The following EBF1 variants were observed in gnomAD, a reference collection of about 807,000 sequenced individuals.
EBF1 encodes the protein transcription factor COE1.
In EBF1, 10 loss-of-function variants were observed where a neutral mutation model predicts 68.4. The observed-to-expected ratio is 0.15, with a 90% confidence interval of 0.09 to 0.25. The LOEUF is 0.25. EBF1 is among the 10% of genes least tolerant of loss of function. The probability of loss-of-function intolerance (pLI) is 1.00; values close to 1 mark genes in which losing one functional copy is unlikely to be tolerated. For missense variants in EBF1, 509 were observed against 794.4 expected, an observed-to-expected ratio of 0.64 and a Z score of 4.32; for synonymous variants, 298 against 299.8, an observed-to-expected ratio of 0.99 and a Z score of 0.06.
At chr5:158,909,289 G>C (rs1202321361) in intron 6 of EBF1, among the ~76,000 whole-genome samples, 1 of 152,150 alleles carries the variant, frequency 6.6e-6, no homozygotes, top group Admixed American at 6.5e-5. Context: ...TGGTTTGTCT[G>C]TTTGGATTTT....
intron 6 of EBF1, among the ~76,000 whole-genome samples, chr5:159,042,224 G>T (rs1168552049): frequency 6.6e-6 from 1 of 152,122 alleles, no homozygotes; most frequent in African/African-American, 2.4e-5. Flanking sequence ...GCTCACAAAG[G>T]GATCTGGATC....
chr5:158,851,599 G>C (rs1792735760), intron 6 of EBF1, among the ~76,000 whole-genome samples: 1 of 69,054 alleles, frequency 1.4e-5, no homozygotes, highest in Non-Finnish European at 3.2e-5. Flanking sequence ...GGAAGGGGAG[G>C]GGAGAAGGGA....
At chr5:158,922,269 A>T (rs1808596862) in intron 6 of EBF1, among the ~76,000 whole-genome samples, 1 of 152,190 alleles carries the variant, frequency 6.6e-6, no homozygotes. Context: ...CCCCAAAAGC[A>T]ACTTTCTACC....
At chr5:158,774,660 T>A (rs763846780) in intron 10 of EBF1, among the ~76,000 whole-genome samples, 1 of 152,072 alleles carries the variant, frequency 6.6e-6, no homozygotes, top group Non-Finnish European at 1.5e-5. Flanking sequence ...GTTGTTTGGA[T>A]ACAAAGAACA....
intron 6 of EBF1, among the ~76,000 whole-genome samples, chr5:158,986,123 C>T (rs1251897787): frequency 2.6e-5 from 4 of 152,196 alleles, no homozygotes; most frequent in South Asian, 2.1e-4. Context: ...CAAGCCATTC[C>T]GCTCCCAGCC....
chr5:158,799,226 A>T (rs1211807796), intron 8 of EBF1, among the ~76,000 whole-genome samples: 1 of 152,072 alleles, frequency 6.6e-6, no homozygotes, highest in Non-Finnish European at 1.5e-5. Flanking sequence ...TCAAGAGTTC[A>T]AGACTGGCCC....
intron 6 of EBF1, among the ~76,000 whole-genome samples, chr5:158,902,898 G>A (rs908076102): frequency 6.6e-6 from 1 of 152,174 alleles, no homozygotes; most frequent in Non-Finnish European, 1.5e-5. Flanking sequence ...TGACAGGTGC[G>A]GTTAGAGACT....
rs1478878351 is a variant in EBF1, at chr5:158,697,502, T to C, written c.*1609A>G. ...AGCAAACATACACAATAAAATAAAT[T>C]GGGGGTGGAAGGAAGAGGAAGAAGG... On this transcript the variant is annotated 3_prime_UTR_variant, in exon 16 of 16. Coordinates refer to ENST00000313708, the MANE Select transcript of EBF1 (RefSeq NM_024007.5). 2 of 209,078 alleles carry C rather than the reference T, an allele frequency of 9.6e-6. No homozygotes were observed. The highest frequency in any genetic ancestry group is 7.2e-5 in the East Asian group (1 of 13,856). The allele number at this position is 209,078 out of a possible 1,614,324, so 13.0% of individuals were successfully genotyped here.
chr5:159,045,480 A>G (rs373632588), intron 6 of EBF1, among the ~76,000 whole-genome samples: 147 of 152,272 alleles, frequency 9.7e-4, no homozygotes, highest in African/African-American at 3.3e-3. Context: ...GTGACATTAC[A>G]ATTCATTGCA....
At chr5:158,800,122 T>C (rs1780322416) in intron 8 of EBF1, among the ~76,000 whole-genome samples, 2 of 152,170 alleles carry the variant, frequency 1.3e-5, no homozygotes, top group Admixed American at 6.5e-5. Context: ...GAAATTATGG[T>C]ATATTCACAC....
intron 11 of EBF1, among the ~76,000 whole-genome samples, chr5:158,721,466 C>A (rs1761922556): frequency 6.6e-6 from 1 of 152,100 alleles, no homozygotes; most frequent in Admixed American, 6.6e-5. Flanking sequence ...GAGATTTTGT[C>A]TGAGTTGCAG....
At chr5:158,777,575 C>A in intron 9 of EBF1, 36 bp from the exon 10 acceptor site, 1 of 1,571,650 alleles carries the variant, frequency 6.4e-7, no homozygotes, top group Non-Finnish European at 8.6e-7. Flanking sequence ...ATTGTCATTG[C>A]AATAGTTAAA....
At chr5:159,069,176 T>A (rs1024860272) in intron 6 of EBF1, among the ~76,000 whole-genome samples, 2 of 150,470 alleles carry the variant, frequency 1.3e-5, no homozygotes, top group Non-Finnish European at 3.0e-5. Flanking sequence ...GAGAACATAA[T>A]TTGAGATGGA....
chr5:158,987,166 T>C (rs901104714), intron 6 of EBF1: 2 of 152,238 alleles, frequency 1.3e-5, no homozygotes, highest in African/African-American at 4.8e-5. Flanking sequence ...TCCAGGCTTA[T>C]GCATATACCA....
At chr5:158,855,206 A>G (rs1793733018) in intron 6 of EBF1, among the ~76,000 whole-genome samples, 1 of 152,242 alleles carries the variant, frequency 6.6e-6, no homozygotes, top group African/African-American at 2.4e-5. Context: ...GCTAAATTCT[A>G]TAGGCAATAA....
At chr5:158,983,988 A>G (rs190496696) in intron 6 of EBF1, among the ~76,000 whole-genome samples, 95 of 151,822 alleles carry the variant, frequency 6.3e-4, no homozygotes, top group Non-Finnish European at 1.3e-4. Context: ...TGGAAATTCA[A>G]TAACAAAAAA....
At chr5:159,036,642 AC>A (rs1375168311) in intron 6 of EBF1, among the ~76,000 whole-genome samples, 1 of 42,616 alleles carries the variant, frequency 2.3e-5, no homozygotes, top group Non-Finnish European at 4.4e-5. Flanking sequence ...TACACCTTAT[AC>A]AAAAATCAAT....
chr5:158,826,164 A>G (rs1786059830), intron 7 of EBF1, among the ~76,000 whole-genome samples: 1 of 152,232 alleles, frequency 6.6e-6, no homozygotes, highest in Non-Finnish European at 1.5e-5. Flanking sequence ...ACCTTTGGAC[A>G]CAACAACACT....
chr5:158,770,681 T>C (rs1278709109), intron 10 of EBF1, among the ~76,000 whole-genome samples: 1 of 152,100 alleles, frequency 6.6e-6, no homozygotes, highest in African/African-American at 2.4e-5. Context: ...TTGCTCCCTC[T>C]GCTGGAAGGC....
Sources: gnomAD v4.1 joint callset for allele counts (sites outside exome capture counted in the v4.1 genomes callset) on GRCh38, gnomAD v4.1.1 for gene constraint, MANE v1.5 for transcripts, NCBI Gene and HGNC (gene_info 2026-07-23, HGNC 2026-07-21) for gene names.